FMN1: variants seen among roughly 807,000 people sequenced by gnomAD.
The protein encoded by FMN1 is formin-1.
FMN1 carries 110 observed loss-of-function variants against 132.4 expected under a neutral mutation model. The ratio of observed to expected loss-of-function variants is 0.83; its 90% confidence interval spans 0.71 to 0.97. The LOEUF (loss-of-function observed/expected upper bound fraction) is 0.97, where lower values mean the gene tolerates loss of function less well. Ranked by LOEUF, FMN1 falls within the 50% of genes least tolerant of loss-of-function variation. The pLI, the probability that FMN1 is intolerant of heterozygous loss-of-function variation, is 0.00. For missense variants in FMN1, 1,792 were observed against 1,705.3 expected (o/e 1.05, Z -0.90); for synonymous variants, 722 against 651.7 (o/e 1.11, Z -1.64).
chr15:33,110,767 C>T (rs1325522135), intron 4 of FMN1, among the ~76,000 whole-genome samples: 1 of 151,482 alleles, frequency 6.6e-6, no homozygotes, highest in Non-Finnish European at 1.5e-5. Context: ...AACTATTTTG[C>T]TATTCCTTTA....
At chr15:33,111,614 T>TA (rs1290431531) in intron 4 of FMN1, among the ~76,000 whole-genome samples, 1 of 152,164 alleles carries the variant, frequency 6.6e-6, no homozygotes, top group Non-Finnish European at 1.5e-5. Context: ...CAAAATGTGC[T>TA]ATATCCATAT....
chr15:33,055,688 A>T (rs990292880), intron 6 of FMN1, among the ~76,000 whole-genome samples: 5 of 152,178 alleles, frequency 3.3e-5, no homozygotes, highest in Non-Finnish European at 4.4e-5. Context: ...ATAATTTTTA[A>T]AGATAATTAA....
chr15:32,939,466 T>C (rs1567431317), intron 9 of FMN1, among the ~76,000 whole-genome samples: 3 of 152,294 alleles, frequency 2.0e-5, no homozygotes, highest in South Asian at 2.1e-4. Context: ...TTTTAATTTG[T>C]TATCAACCAA....
chr15:32,811,030 A>G (rs1264663526), intron 17 of FMN1: 1 of 456,548 alleles, frequency 2.2e-6, no homozygotes, highest in East Asian at 6.9e-5. Flanking sequence ...TTTCTTAGAA[A>G]ATCCCCGTTG....
chr15:32,855,157 TA>T (rs750275479), intron 17 of FMN1, among the ~76,000 whole-genome samples: 1,103 of 85,460 alleles, frequency 0.013, 13 homozygotes, highest in African/African-American at 0.037. Flanking sequence ...ACGTGGAGAG[TA>T]AAAAAAAAAA....
chr15:33,068,184 G>A (rs916766774), intron 5 of FMN1: 2 of 339,524 alleles, frequency 5.9e-6, no homozygotes, highest in African/African-American at 2.1e-5. Flanking sequence ...TGAAACTTCC[G>A]TATTTATTCC....
intron 4 of FMN1, among the ~76,000 whole-genome samples, chr15:33,116,261 C>T (rs768008614): frequency 6.6e-6 from 1 of 152,172 alleles, no homozygotes; most frequent in Non-Finnish European, 1.5e-5. Context: ...TCCTTTATAC[C>T]TGTTTATAAA....
Position 32,770,760 on chromosome 15 carries a change from T to G in FMN1, c.*3550A>C, listed in dbSNP as rs2056207105. 6.6e-6 allele frequency: 1 copy of G among 152,160 alleles called. No individual in the cohort carries two copies. The allele number at this position is 152,160 out of a possible 1,614,324, so 9.4% of individuals were successfully genotyped here. ...TCAATTCCTCAACCATACTGGCAAT[T>G]TGTTTTGGCTAGAACATTTAAAAGT... On this transcript the variant is annotated 3_prime_UTR_variant, in exon 21 of 21. Transcript: ENST00000616417.
intron 6 of FMN1, among the ~76,000 whole-genome samples, chr15:33,042,518 C>T (rs2036486491): frequency 6.6e-6 from 1 of 152,126 alleles, no homozygotes; most frequent in African/African-American, 2.4e-5. Context: ...TACAAAAACA[C>T]AGATTTGGCA....
At chr15:32,850,498 A>G (rs2141260073) in intron 17 of FMN1, among the ~76,000 whole-genome samples, 1 of 152,332 alleles carries the variant, frequency 6.6e-6, no homozygotes, top group South Asian at 2.1e-4. Context: ...AGATTCTGGG[A>G]TGATTCAGCA....
chr15:32,894,596 T>C (rs966541587), intron 15 of FMN1, among the ~76,000 whole-genome samples: 1 of 152,118 alleles, frequency 6.6e-6, no homozygotes, highest in Non-Finnish European at 1.5e-5. Context: ...AGATGCATCT[T>C]GAGAAAGATT....
At chr15:32,806,257 T>C (rs1454351275) in intron 17 of FMN1, among the ~76,000 whole-genome samples, 1 of 152,186 alleles carries the variant, frequency 6.6e-6, no homozygotes, top group Non-Finnish European at 1.5e-5. Context: ...TTTTGAAACA[T>C]CACCCTTTTA....
intron 6 of FMN1, among the ~76,000 whole-genome samples, chr15:33,026,096 TACACACACAC>T (rs58334971): frequency 0.19 from 28,112 of 144,678 alleles, 2,593 homozygotes; most frequent in African/African-American, 0.22. Context: ...TGCTTAGGCA[TACACACACAC>T]ACACACACAC....
chr15:33,049,983 C>T (rs1301147019), intron 6 of FMN1, among the ~76,000 whole-genome samples: 1 of 152,182 alleles, frequency 6.6e-6, no homozygotes, highest in African/African-American at 2.4e-5. Context: ...TTTCTTTTAA[C>T]ACAACCAATA....
chr15:33,096,733 A>G (rs754573432), intron 4 of FMN1, among the ~76,000 whole-genome samples: 11 of 151,970 alleles, frequency 7.2e-5, no homozygotes, highest in Non-Finnish European at 1.5e-4. Flanking sequence ...CAGCCTCCCA[A>G]GTAGCTGGGA....
At chr15:33,120,814 T>C (rs1309996593) in intron 4 of FMN1, among the ~76,000 whole-genome samples, 1 of 151,254 alleles carries the variant, frequency 6.6e-6, no homozygotes, top group African/African-American at 2.5e-5. Flanking sequence ...CTTGCATGTT[T>C]ATGTATTTTT....
intron 11 of FMN1, among the ~76,000 whole-genome samples, chr15:32,909,525 T>TA (rs1388570880): frequency 6.6e-6 from 1 of 152,210 alleles, no homozygotes; most frequent in Non-Finnish European, 1.5e-5. Context: ...CCTAGACTAT[T>TA]AGACTATGGA....
chr15:32,884,976 CCTCA>C (rs10571269), intron 16 of FMN1, among the ~76,000 whole-genome samples: 43,428 of 151,816 alleles, frequency 0.29, 6,760 homozygotes, highest in African/African-American at 0.42. Context: ...TTGAAGCTGC[CCTCA>C]CTAAGAAACT....
intron 15 of FMN1, among the ~76,000 whole-genome samples, chr15:32,889,749 T>C (rs1413584446): frequency 6.6e-6 from 1 of 152,200 alleles, no homozygotes; most frequent in Non-Finnish European, 1.5e-5. Context: ...CCTATGACGC[T>C]TACATTATCA....
Sources: gnomAD v4.1 joint callset for allele counts (sites outside exome capture counted in the v4.1 genomes callset) on GRCh38, gnomAD v4.1.1 for gene constraint, MANE v1.5 for transcripts, NCBI Gene and HGNC (gene_info 2026-07-23, HGNC 2026-07-21) for gene names.